Variants in PICALM observed in about 807,000 individuals in gnomAD.
The protein encoded by PICALM is phosphatidylinositol-binding clathrin assembly protein.
A neutral mutation model predicts 80.5 loss-of-function variants in PICALM; 40 were observed. The ratio of observed to expected loss-of-function variants is 0.50; its 90% CI spans 0.39 to 0.65. The LOEUF (loss-of-function observed/expected upper bound fraction) is 0.65. PICALM is among the 30% of genes least tolerant of loss of function. PICALM has a pLI of 0.00. For missense variants in PICALM, 676 were observed against 778.9 expected, an observed-to-expected ratio of 0.87 and a Z score of 1.57; for synonymous variants, 288 against 260.3, an observed-to-expected ratio of 1.11 and a Z score of -1.02.
chr11:86,034,521 G>A lies in PICALM; in HGVS notation c.131-2910C>T, dbSNP rs1488919447. On this transcript the variant is annotated intron_variant, in intron 1 of 19. Coordinates refer to ENST00000393346, the MANE Select transcript of PICALM (RefSeq NM_007166.4). Reference sequence around the variant, plus strand: ...TTTCTTAAAAAGCAAAAACTGTAACGATTTCCCTTGCCAACCAATAAGTTA... The same window carrying A: ...TTTCTTAAAAAGCAAAAACTGTAACAATTTCCCTTGCCAACCAATAAGTTA... 3.9e-5 allele frequency among the ~76,000 whole-genome samples: 6 copies of A among 152,024 alleles called. No individual in the cohort carries two copies. The South Asian group carries it at 1.0e-3, about 26-fold the overall frequency.
At chr11:86,019,575 T>C (rs547143940) in intron 4 of PICALM, among the ~76,000 whole-genome samples, 1 of 152,300 alleles carries the variant, frequency 6.6e-6, no homozygotes, top group African/African-American at 2.4e-5. Context: ...GAAGACACTT[T>C]ACAGTGAAAT....
Position 85,976,658 on chromosome 11 carries a change from C to G in PICALM, c.1804G>C (p.Ala602Pro). 6.2e-7 allele frequency: 1 copy of G among 1,603,408 alleles called. No individual in the cohort carries two copies. Among genetic ancestry groups the G allele is most frequent in the Non-Finnish European group, 8.5e-7 (1 of 1,170,496 alleles). ...CCTATCATGCCTGTTGGTGTAGTAG[C>G]AGGATAGGCCATTACAGGGGGTGCC... ...TMAPPVMAYP[A>P]TTPTGMIGYG... Residue 602 changes from alanine (A) to proline (P), a missense_variant, in exon 18 of 20, where the codon GCT becomes CCT. Physicochemically the swap from Ala to Pro is conservative, Grantham distance 27 (BLOSUM62 -1). Around this residue, in one of 2 missense-constraint regions of PICALM, gnomAD observed 391 missense variants for 383.6 expected, o/e 1.02. Transcript: ENST00000393346.
In PICALM at chr11:86,033,265, G is replaced by A. The variant is rs1380427846; in HGVS notation, c.131-1654C>T. Among the ~76,000 whole-genome samples the A allele has an allele frequency of 3.6e-5, 4 of 111,780 alleles. No individual in the cohort carries two copies. In the East Asian group the frequency reaches 1.1e-3, roughly 32 times the overall value. The allele number at this position is 111,780 out of a possible 152,430, so 73.3% of individuals were successfully genotyped here. A position where few individuals can be genotyped will look rare whatever the true frequency, so the allele number is the denominator to read the frequency against. On this transcript the variant is annotated intron_variant, in intron 1 of 19. Coordinates refer to ENST00000393346, the MANE Select transcript of PICALM (RefSeq NM_007166.4). ...AATTTAATACTATATAGTGCATGGT[G>A]CATGGTGTGTGTGTATATATATATA...
chr11:86,048,195 G>T (rs530817192), intron 1 of PICALM, among the ~76,000 whole-genome samples: 2 of 152,270 alleles, frequency 1.3e-5, no homozygotes, highest in Admixed American at 1.3e-4. Flanking sequence ...AGTATCCCAA[G>T]CTGCTCTATA....
chr11:85,975,053 T>A (rs532470), intron 18 of PICALM, among the ~76,000 whole-genome samples: 1 of 151,946 alleles, frequency 6.6e-6, no homozygotes, highest in Non-Finnish European at 1.5e-5. Flanking sequence ...TAACTTTTTC[T>A]ATTCAATGAG....
At chr11:86,016,539 T>G (rs1345405428) in intron 4 of PICALM, among the ~76,000 whole-genome samples, 1 of 152,178 alleles carries the variant, frequency 6.6e-6, no homozygotes, top group Non-Finnish European at 1.5e-5. Flanking sequence ...ACAAATACCT[T>G]TAACTTTCTT....
At chr11:85,974,477 A>T (rs748070692) in intron 19 of PICALM, 1 of 635,616 alleles carries the variant, frequency 1.6e-6, no homozygotes, top group East Asian at 3.4e-5. Context: ...TCTACCAACT[A>T]TAAGTTACCA....
intron 2 of PICALM, among the ~76,000 whole-genome samples, chr11:86,028,965 G>A (rs1007977184): frequency 6.6e-6 from 1 of 151,690 alleles, no homozygotes; most frequent in Non-Finnish European, 1.5e-5. Flanking sequence ...AGCCTCCTGA[G>A]TAGCTGGGAT....
chr11:86,037,723 A>G (rs1455054880), intron 1 of PICALM, among the ~76,000 whole-genome samples: 1 of 151,922 alleles, frequency 6.6e-6, no homozygotes, highest in Non-Finnish European at 1.5e-5. Context: ...TGTATGTGTA[A>G]TATTTTTTTG....
Position 85,996,923 on chromosome 11 carries a change from T to C in PICALM, c.1161A>G (p.Ser387=), listed in dbSNP as rs758442135. 6.8e-6 allele frequency: 11 copies of C among 1,608,800 alleles called. No homozygotes were observed. The highest frequency in any genetic ancestry group is 1.7e-5 in the Admixed American group (1 of 59,600). ...FSTPSSSNST[S]KLPNDLLDLQ... is the part of the protein sequence containing the mutation. The stretch of plus-strand genomic sequence containing the variant: ...AATCAAGCAGATCATTGGGCAGCTT[T>C]GATGTGCTAGAAAGATATTTTGGAA... Residue 387 remains serine, a synonymous_variant, in exon 12 of 20, where the codon TCA becomes TCG. Coordinates refer to ENST00000393346, the MANE Select transcript of PICALM (RefSeq NM_007166.4).
intron 18 of PICALM, 41 bp downstream of exon 18, chr11:85,976,582 T>C (rs1297899575): frequency 8.6e-7 from 1 of 1,161,800 alleles, no homozygotes; most frequent in Non-Finnish European, 1.3e-6. Flanking sequence ...TATATATGAA[T>C]CAATATTTTT....
At chr11:85,988,989 T>C (rs185560974) in intron 13 of PICALM, among the ~76,000 whole-genome samples, 12 of 152,336 alleles carry the variant, frequency 7.9e-5, no homozygotes, top group Non-Finnish European at 1.5e-4. Context: ...CACTCACATA[T>C]GCAGCATAGT....
At position 85,982,007 on chromosome 11, in the gene PICALM, A is replaced by C; in HGVS notation, c.1517-4T>G. 6.2e-7 allele frequency: 1 copy of C among 1,612,956 alleles called. No homozygotes were observed. The highest frequency in any genetic ancestry group is 8.5e-7 in the Non-Finnish European group (1 of 1,178,926). ...AGTCCACCTAGTTCATCAAAGCCTT[A>C]AAGTTACAAACAGACGAAATAGAAT... is the stretch of plus-strand genomic sequence containing the variant. On this transcript the variant is annotated splice_region_variant and splice_polypyrimidine_tract_variant and intron_variant, in intron 14 of 19. Coordinates refer to ENST00000393346, the MANE Select transcript of PICALM (RefSeq NM_007166.4).
rs2093591806 is a variant in PICALM at position 85,958,782 on chromosome 11, A to T, written c.*264T>A. On this transcript the variant is annotated 3_prime_UTR_variant, in exon 20 of 20. Coordinates refer to ENST00000393346, the MANE Select transcript of PICALM (RefSeq NM_007166.4). ...TGATTATGGGTATTAACAGGAGTTG[A>T]AAGAATTGAAGGGTTAGTCACCAAA... The T allele has an allele frequency of 1.3e-5, 5 of 379,990 alleles. No individual in the cohort carries two copies. In the Admixed American group the frequency reaches 2.2e-4, roughly 16 times the overall value. The allele number at this position is 379,990 out of a possible 1,614,324, so 23.5% of individuals were successfully genotyped here. A position where few individuals can be genotyped will look rare whatever the true frequency, so the allele number is the denominator to read the frequency against.
At chr11:85,984,601 C>CT (rs1220202094) in intron 13 of PICALM, among the ~76,000 whole-genome samples, 6 of 152,158 alleles carry the variant, frequency 3.9e-5, no homozygotes, top group Admixed American at 1.3e-4. Flanking sequence ...CAACCACTCT[C>CT]TAACTTCAAC....
intron 1 of PICALM, among the ~76,000 whole-genome samples, chr11:86,058,930 A>AT (rs2096311151): frequency 6.6e-6 from 1 of 152,298 alleles, no homozygotes; most frequent in Non-Finnish European, 1.5e-5. Context: ...TGTCCTCAAA[A>AT]ATGTGCATTT....
chr11:86,008,952 C>CAAAAAAAAAAAAAAAAAAAAAAAGAA (rs59740555), intron 7 of PICALM, among the ~76,000 whole-genome samples: 1 of 62,832 alleles, frequency 1.6e-5, no homozygotes, highest in African/African-American at 6.1e-5. Flanking sequence ...AAAAAAAAGC[C>CAAAAAAAAAAAAAAAAAAAAAAAGAA]AAAAAAAAAA....
At position 85,992,232 on chromosome 11, in the gene PICALM, T is replaced by C. The variant is rs375114202; in HGVS notation, c.1259-1833A>G. On this transcript the variant is annotated intron_variant, in intron 12 of 19. Transcript: ENST00000393346. ...AGCTTCTTCTTGCATAAGAAAGGAG[T>C]TGCATTAAGCTTACAGTTGGCCAGT... Among the ~76,000 whole-genome samples, 7 of 151,674 alleles carry C rather than the reference T, an allele frequency of 4.6e-5. No homozygotes were observed. In the East Asian group the frequency reaches 1.4e-3, roughly 29 times the overall value.
intron 6 of PICALM, among the ~76,000 whole-genome samples, chr11:86,011,754 G>A (rs939756307): frequency 6.6e-6 from 1 of 151,864 alleles, no homozygotes; most frequent in Non-Finnish European, 1.5e-5. Flanking sequence ...AGTTGATTAT[G>A]AGAAAACAAT....
Sources: gnomAD v4.1 joint callset for allele counts (sites outside exome capture counted in the v4.1 genomes callset) on GRCh38, gnomAD v4.1.1 for gene constraint, gnomAD v4.1.1 regional missense constraint, MANE v1.5 for transcripts, NCBI Gene and HGNC (gene_info 2026-07-23, HGNC 2026-07-21) for gene names.